The following CTNNA2 variants were observed in gnomAD, a reference collection of about 807,000 sequenced individuals.
CTNNA2 encodes catenin alpha-2.
In CTNNA2, 42 loss-of-function variants were observed where a neutral mutation model predicts 101.0. The ratio of observed to expected loss-of-function variants is 0.42; its 90% confidence interval spans 0.32 to 0.54. The LOEUF (loss-of-function observed/expected upper bound fraction) is 0.54, where lower values mean the gene tolerates loss of function less well. CTNNA2 is among the 20% of genes least tolerant of loss of function. CTNNA2 has a pLI of 0.14. For missense variants in CTNNA2, 871 were observed against 1,223.1 expected, an observed-to-expected ratio of 0.71 and a Z score of 4.29; for synonymous variants, 450 against 456.4, an observed-to-expected ratio of 0.99 and a Z score of 0.18.
At chr2:79,417,639 T>G (rs778620770) in intron 4 of CTNNA2, among the ~76,000 whole-genome samples, 98 of 152,286 alleles carry the variant, frequency 6.4e-4, no homozygotes, top group Non-Finnish European at 1.2e-3. Context: ...GAATTAAGTC[T>G]TCTCTGAGCA....
chr2:79,409,219 A>C (rs369631386), intron 4 of CTNNA2, among the ~76,000 whole-genome samples: 1 of 152,000 alleles, frequency 6.6e-6, no homozygotes, highest in African/African-American at 2.4e-5. Flanking sequence ...AGATGAGTAG[A>C]TTGCGAAAAT....
intron 2 of CTNNA2, among the ~76,000 whole-genome samples, chr2:79,257,497 T>C (rs1329797864): frequency 2.1e-5 from 3 of 146,096 alleles, no homozygotes; most frequent in Non-Finnish European, 4.5e-5. Flanking sequence ...AGAAAGTAGG[T>C]TAAAAAAAAA....
At chr2:79,909,997 A>G (rs947402446) in intron 7 of CTNNA2, among the ~76,000 whole-genome samples, 200 bp downstream of exon 7, 1 of 152,126 alleles carries the variant, frequency 6.6e-6, no homozygotes, top group African/African-American at 2.4e-5. Context: ...GTTTGTTTTA[A>G]TATGGAACAG....
At chr2:79,718,346 A>G (rs1361348151) in intron 2 of CTNNA2, among the ~76,000 whole-genome samples, 1 of 152,260 alleles carries the variant, frequency 6.6e-6, no homozygotes. Context: ...GACTTATAAT[A>G]TGCTTAGCAT....
intron 9 of CTNNA2, among the ~76,000 whole-genome samples, chr2:80,460,591 C>T (rs769461125): frequency 4.6e-5 from 7 of 152,166 alleles, no homozygotes; most frequent in Non-Finnish European, 1.0e-4. Context: ...CATCTACCCT[C>T]ACCCCAGCTG....
At chr2:79,286,627 T>A (rs962901401) in intron 2 of CTNNA2, among the ~76,000 whole-genome samples, 2 of 152,226 alleles carry the variant, frequency 1.3e-5, no homozygotes, top group African/African-American at 4.8e-5. Flanking sequence ...AGATCTGCTG[T>A]TAGTCTAATG....
Position 80,591,037 on chromosome 2 carries a change from T to G in CTNNA2, c.2189+1552T>G, listed in dbSNP as rs114057731. Among the ~76,000 whole-genome samples, 817 of 152,294 alleles carry G rather than the reference T, an allele frequency of 5.4e-3. 3 individuals are homozygous for G. The highest frequency in any genetic ancestry group is 9.1e-3 in the Non-Finnish European group (621 of 68,026). On this transcript the variant is annotated intron_variant, in intron 15 of 18. Transcript: ENST00000402739. ...AATAGCATCACTTGAACAAATAATC[T>G]CAGTAAAGTGAATAATGACTCTGGT... is the stretch of plus-strand genomic sequence containing the variant.
chr2:80,588,557 G>T (rs1457054632), intron 14 of CTNNA2, among the ~76,000 whole-genome samples: 1 of 152,166 alleles, frequency 6.6e-6, no homozygotes, highest in Admixed American at 6.5e-5. Flanking sequence ...AAGAATCCAT[G>T]AATAAGAAGA....
chr2:80,010,634 C>T (rs1363462864), intron 7 of CTNNA2, among the ~76,000 whole-genome samples: 2 of 151,972 alleles, frequency 1.3e-5, no homozygotes, highest in African/African-American at 2.4e-5. Context: ...TGTAATAATT[C>T]CTAAAGATTT....
Position 79,472,422 on chromosome 2 carries a change from C to T in CTNNA2, c.-134-32632C>T, listed in dbSNP as rs1371679113. On this transcript the variant is annotated intron_variant, in intron 4 of 21. Transcript: ENST00000466387. Reference sequence around the variant, plus strand: ...TTTGTAAGAAAGACAATGGTCCCACCTTTCAAAACCAAGGAAGTAGACTTG... The same window carrying T: ...TTTGTAAGAAAGACAATGGTCCCACTTTTCAAAACCAAGGAAGTAGACTTG... Among the ~76,000 whole-genome samples the T allele has an allele frequency of 3.9e-5, 6 of 152,320 alleles. No individual in the cohort carries two copies. In the East Asian group the frequency reaches 9.7e-4, roughly 25 times the overall value.
intron 7 of CTNNA2, among the ~76,000 whole-genome samples, chr2:80,357,443 A>G (rs189934738): frequency 6.6e-6 from 1 of 152,190 alleles, no homozygotes; most frequent in African/African-American, 2.4e-5. Context: ...TCCAGAGGCC[A>G]GGAAGTCTTT....
At chr2:80,151,227 T>C (rs1042785074) in intron 7 of CTNNA2, among the ~76,000 whole-genome samples, 9 of 152,234 alleles carry the variant, frequency 5.9e-5, no homozygotes, top group African/African-American at 2.2e-4. Context: ...ACACTGCCTT[T>C]CCTTCCCTGT....
At chr2:80,247,973 T>TA (rs1671454917) in intron 7 of CTNNA2, among the ~76,000 whole-genome samples, 5 of 85,700 alleles carry the variant, frequency 5.8e-5, no homozygotes, top group Admixed American at 3.2e-4. Flanking sequence ...GTTAGAATTC[T>TA]AAAAGCCTTT....
intron 7 of CTNNA2, among the ~76,000 whole-genome samples, chr2:80,115,951 T>A (rs1701488823): frequency 6.6e-6 from 1 of 152,150 alleles, no homozygotes; most frequent in African/African-American, 2.4e-5. Flanking sequence ...GGAAATAGGA[T>A]ATCAATCAGC....
intron 7 of CTNNA2, among the ~76,000 whole-genome samples, chr2:80,275,483 T>C (rs1673829832): frequency 1.3e-5 from 2 of 152,206 alleles, no homozygotes; most frequent in Admixed American, 6.5e-5. Context: ...TTTTTTATTA[T>C]TGCAGTAGAT....
intron 7 of CTNNA2, among the ~76,000 whole-genome samples, chr2:80,355,796 T>G (rs1673732778): frequency 6.6e-6 from 1 of 152,176 alleles, no homozygotes; most frequent in Admixed American, 6.5e-5. Flanking sequence ...AAGTCTTGTT[T>G]TCCATGAACA....
At chr2:79,841,777 G>A (rs1385831583) in intron 3 of CTNNA2, among the ~76,000 whole-genome samples, 1 of 152,190 alleles carries the variant, frequency 6.6e-6, no homozygotes, top group East Asian at 1.9e-4. Flanking sequence ...CCTCTGCAGA[G>A]CAAAGGAAAA....
chr2:80,575,591 T>TA (rs1482626295), intron 13 of CTNNA2, among the ~76,000 whole-genome samples: 1 of 152,174 alleles, frequency 6.6e-6, no homozygotes, highest in African/African-American at 2.4e-5. Flanking sequence ...TGAAATAAAG[T>TA]AATAGACCAT....
At chr2:79,595,795 T>G (rs1393473725) in intron 1 of CTNNA2, among the ~76,000 whole-genome samples, 3 of 152,024 alleles carry the variant, frequency 2.0e-5, no homozygotes, top group African/African-American at 4.8e-5. Context: ...AGTTGACAAT[T>G]ATCATACTAG....
Sources: allele counts gnomAD v4.1 joint callset (sites outside exome capture counted in the v4.1 genomes callset), GRCh38; gene constraint gnomAD v4.1.1; transcripts MANE v1.5; gene names NCBI Gene and HGNC (gene_info 2026-07-23, HGNC 2026-07-21).